TBC1D4: variants seen among roughly 807,000 people sequenced by gnomAD.
TBC1D4 encodes TBC1 domain family member 4, also known as TBC (Tre-2, BUB2, CDC16) domain-containing protein.
Under a neutral mutation model 142.5 loss-of-function variants are expected in TBC1D4, and 121 were observed. That is an observed-to-expected ratio of 0.85 (90% CI 0.73 to 0.99). TBC1D4 has a LOEUF of 0.99. TBC1D4 is among the 50% of genes least tolerant of loss of function. The pLI is 0.00. For missense variants in TBC1D4, 1,475 were observed against 1,606.6 expected (o/e 0.92, Z 1.40); for synonymous variants, 630 against 628.2 (o/e 1.00, Z -0.04).
At chr13:75,324,159 A>T (rs765269000) in intron 11 of TBC1D4, 78 bp downstream of exon 11, 85 of 1,550,936 alleles carry the variant, frequency 5.5e-5, no homozygotes, top group Non-Finnish European at 6.9e-5. Flanking sequence ...CTCCAAAATT[A>T]ATCAACCACT....
chr13:75,451,225 T>C (rs117055218), intron 1 of TBC1D4, among the ~76,000 whole-genome samples: 1,866 of 152,266 alleles, frequency 0.012, 29 homozygotes, highest in Middle Eastern at 0.044. Context: ...ATGGAGTGAA[T>C]AGTACCTACT....
Position 75,305,503 on chromosome 13 carries a change from A to G in TBC1D4, c.2752+810T>C, listed in dbSNP as rs145353415. Among the ~76,000 whole-genome samples the G allele has an allele frequency of 7.2e-5, 11 of 152,366 alleles. No individual in the cohort carries two copies. In the East Asian group the frequency reaches 1.7e-3, roughly 24 times the overall value. On this transcript the variant is annotated intron_variant, in intron 15 of 20. Transcript: ENST00000377636. ...AAATCTTTAGGATTTCCATATCTTC[A>G]AGGATAAAGAACACTATATTAAGTT...
intron 1 of TBC1D4, 61 bp downstream of exon 1, chr13:75,481,202 CCCTCCCG>C: frequency 2.4e-6 from 3 of 1,255,748 alleles, no homozygotes; most frequent in Non-Finnish European, 2.2e-6. Flanking sequence ...GGGTCCCCGC[CCCTCCCG>C]CCCTGCTCCC....
chr13:75,320,721 T>C (rs1005828406), intron 11 of TBC1D4, among the ~76,000 whole-genome samples: 7 of 151,862 alleles, frequency 4.6e-5, no homozygotes, highest in African/African-American at 1.7e-4. Context: ...CAAAATAATG[T>C]GCTTTTAAAA....
chr13:75,322,916 A>G (rs945699106), intron 11 of TBC1D4, among the ~76,000 whole-genome samples: 1 of 152,170 alleles, frequency 6.6e-6, no homozygotes, highest in Non-Finnish European at 1.5e-5. Flanking sequence ...TTCTTCATAT[A>G]CTTTCTTCAC....
chr13:75,401,945 C>T (rs568886098), intron 1 of TBC1D4, among the ~76,000 whole-genome samples: 1 of 152,240 alleles, frequency 6.6e-6, no homozygotes, highest in South Asian at 2.1e-4. Flanking sequence ...TCATGAAAAC[C>T]TGTGGACTTT....
intron 1 of TBC1D4, among the ~76,000 whole-genome samples, chr13:75,380,654 T>A (rs1211792525): frequency 6.6e-6 from 1 of 152,178 alleles, no homozygotes; most frequent in African/African-American, 2.4e-5. Flanking sequence ...TCTACCTACG[T>A]TATGTGAAGA....
intron 1 of TBC1D4, among the ~76,000 whole-genome samples, chr13:75,373,417 G>C (rs923623316): frequency 2.6e-5 from 4 of 152,090 alleles, no homozygotes; most frequent in Non-Finnish European, 5.9e-5. Context: ...CAGGCCATCC[G>C]GGGATAAAAA....
chr13:75,322,405 T>G lies in TBC1D4; in HGVS notation c.2198+1832A>C, dbSNP rs559952354. Among the ~76,000 whole-genome samples the G allele has an allele frequency of 5.9e-5, 9 of 152,336 alleles. No individual in the cohort carries two copies. The East Asian group carries it at 1.7e-3, about 29-fold the overall frequency. On this transcript the variant is annotated intron_variant, in intron 11 of 20. Transcript: ENST00000377636. Reference sequence around the variant, plus strand: ...GTGAAATTTTTCAACCCAAAACTAATGTGTATTTGCCCTTTGACTTCAAAA... The same window carrying G: ...GTGAAATTTTTCAACCCAAAACTAAGGTGTATTTGCCCTTTGACTTCAAAA...
At chr13:75,395,402 G>A (rs1321516130) in intron 1 of TBC1D4, among the ~76,000 whole-genome samples, 2 of 152,174 alleles carry the variant, frequency 1.3e-5, no homozygotes, top group Non-Finnish European at 2.9e-5. Flanking sequence ...CACAATATGA[G>A]ATCCATTCCT....
At chr13:75,411,100 A>G (rs948826993) in intron 1 of TBC1D4, among the ~76,000 whole-genome samples, 3 of 152,168 alleles carry the variant, frequency 2.0e-5, no homozygotes, top group African/African-American at 4.8e-5. Context: ...GTTACGCCAT[A>G]TATTTTCCAA....
intron 12 of TBC1D4, among the ~76,000 whole-genome samples, chr13:75,317,366 CAG>C (rs1430768837): frequency 7.2e-5 from 11 of 152,262 alleles, no homozygotes; most frequent in African/African-American, 2.6e-4. Flanking sequence ...TTTATATCAA[CAG>C]AGAAATAACT....
intron 1 of TBC1D4, among the ~76,000 whole-genome samples, chr13:75,387,698 G>A (rs188255292): frequency 1.3e-5 from 2 of 152,112 alleles, no homozygotes; most frequent in Admixed American, 1.3e-4. Context: ...TCTTTAAGTG[G>A]CAAGATCACT....
chr13:75,440,815 T>G (rs1451129203), intron 1 of TBC1D4, among the ~76,000 whole-genome samples: 1 of 151,488 alleles, frequency 6.6e-6, no homozygotes, highest in Non-Finnish European at 1.5e-5. Context: ...CAAGTGATTC[T>G]CCTGCCTCAG....
chr13:75,393,946 A>C (rs1884634924), intron 1 of TBC1D4, among the ~76,000 whole-genome samples: 1 of 151,854 alleles, frequency 6.6e-6, no homozygotes, highest in African/African-American at 2.4e-5. Flanking sequence ...AAAAACAAAA[A>C]AACAAAACTA....
At chr13:75,304,282 A>G (rs956494279) in intron 15 of TBC1D4, among the ~76,000 whole-genome samples, 6 of 152,350 alleles carry the variant, frequency 3.9e-5, no homozygotes, top group Non-Finnish European at 8.8e-5. Context: ...TACAAAAAGC[A>G]ACTTCATTCC....
At position 75,461,290 on chromosome 13, in the gene TBC1D4, T is replaced by TA. The variant is rs1887955951; in HGVS notation, c.498+19979dup. 2.0e-5 allele frequency among the ~76,000 whole-genome samples: 3 copies of TA among 152,318 alleles called. No individual in the cohort carries two copies. The South Asian group carries it at 6.2e-4, about 32-fold the overall frequency. On this transcript the variant is annotated intron_variant, in intron 1 of 20. Coordinates refer to ENST00000377636, the MANE Select transcript of TBC1D4 (RefSeq NM_014832.5). ...CACAATGGCATGAAAGAAATGCAAG[T>TA]AAGGGCTTAAGAGAAAAAAGATGTA...
intron 1 of TBC1D4, among the ~76,000 whole-genome samples, chr13:75,376,361 G>A (rs1883505919): frequency 7.1e-6 from 1 of 141,622 alleles, no homozygotes. Context: ...ATACAATCAT[G>A]TTCTTCTGGT....
intron 1 of TBC1D4, among the ~76,000 whole-genome samples, chr13:75,434,889 T>C (rs1461813617): frequency 6.6e-6 from 1 of 150,766 alleles, no homozygotes; most frequent in East Asian, 1.9e-4. Flanking sequence ...GGCTCATGAC[T>C]GTAATCCCAG....
Sources: allele counts gnomAD v4.1 joint callset (sites outside exome capture counted in the v4.1 genomes callset), GRCh38; gene constraint gnomAD v4.1.1; transcripts MANE v1.5; gene names NCBI Gene and HGNC (gene_info 2026-07-23, HGNC 2026-07-21).